The following OS9 variants were observed in gnomAD, a reference collection of about 807,000 sequenced individuals.
The protein encoded by OS9 is OS9 endoplasmic reticulum lectin, also known as protein OS-9.
OS9 carries 58 observed loss-of-function variants against 84.7 expected under a neutral mutation model. That is an observed-to-expected ratio of 0.68 (90% CI 0.55 to 0.85). The LOEUF is 0.85. Ranked by LOEUF, OS9 falls within the 40% of genes least tolerant of loss-of-function variation. The pLI, the probability that OS9 is intolerant of heterozygous loss-of-function variation, is 0.00. For missense variants in OS9, 760 were observed against 850.9 expected, an observed-to-expected ratio of 0.89 and a Z score of 1.33; for synonymous variants, 278 against 320.8, an observed-to-expected ratio of 0.87 and a Z score of 1.43.
intron 1 of OS9, 40 bp from the exon 2 acceptor site, chr12:57,694,706 CCTTT>C: frequency 6.3e-7 from 1 of 1,595,218 alleles, no homozygotes; most frequent in Non-Finnish European, 8.6e-7. Context: ...CTGATCCCAG[CCTTT>C]CTTTGCTTCC....
chr12:57,697,890 CGGAACCTA>C (rs374283409), intron 5 of OS9, among the ~76,000 whole-genome samples: 31,080 of 126,838 alleles, frequency 0.25, 4,664 homozygotes, highest in Middle Eastern at 0.34. Flanking sequence ...CACACACACA[CGGAACCTA>C]ACATAAGCAA....
At chr12:57,696,081 C>T (rs902963318) in intron 4 of OS9, 43 bp downstream of exon 4, 25 of 1,446,142 alleles carry the variant, frequency 1.7e-5, no homozygotes, top group Admixed American at 3.3e-5. Context: ...TTCTGGCCAC[C>T]GGCTGAGAGC....
intron 5 of OS9, among the ~76,000 whole-genome samples, chr12:57,708,408 G>A (rs897638282): frequency 6.6e-6 from 1 of 152,108 alleles, no homozygotes; most frequent in African/African-American, 2.4e-5. Flanking sequence ...GAGGCAGGAG[G>A]ATCGCTTGAG....
At position 57,720,334 on chromosome 12, in the gene OS9, C is replaced by T. The variant is rs1403304976; in HGVS notation, c.1765+71C>T. The T allele has an allele frequency of 3.1e-6, 5 of 1,604,210 alleles. No homozygotes were observed. The South Asian group carries it at 5.5e-5, about 18-fold the overall frequency. The stretch of plus-strand genomic sequence containing the variant: ...GCTGCCGGAAGTGGAGGGGCTGGGA[C>T]CAGTGGGGCAGGGGGCCTGCCCTGA... On this transcript the variant is annotated intron_variant, in intron 13 of 14. Transcript: ENST00000315970.
At chr12:57,710,710 C>T (rs897741696) in intron 5 of OS9, among the ~76,000 whole-genome samples, 5 of 152,038 alleles carry the variant, frequency 3.3e-5, no homozygotes, top group African/African-American at 1.2e-4. Context: ...TCCCATGATA[C>T]AAAACCCAGA....
intron 9 of OS9, 52 bp downstream of exon 9, chr12:57,716,796 G>C (rs750694416): frequency 1.3e-6 from 2 of 1,532,074 alleles, no homozygotes; most frequent in African/African-American, 2.7e-5. Flanking sequence ...GGATTGGCAG[G>C]GGTAGGGATG....
intron 5 of OS9, among the ~76,000 whole-genome samples, chr12:57,697,925 ACACAC>A (rs1565767146): frequency 1.7e-4 from 8 of 47,256 alleles, no homozygotes; most frequent in African/African-American, 6.1e-4. Flanking sequence ...ACACACACAT[ACACAC>A]ACACACACAC....
chr12:57,707,707 G>A (rs1051113891), intron 5 of OS9, among the ~76,000 whole-genome samples: 2 of 152,084 alleles, frequency 1.3e-5, no homozygotes, highest in Admixed American at 6.6e-5. Flanking sequence ...CCACATGTTC[G>A]TTATTTTATC....
At chr12:57,703,920 A>T (rs570101552) in intron 5 of OS9, among the ~76,000 whole-genome samples, 72 of 152,322 alleles carry the variant, frequency 4.7e-4, no homozygotes, top group African/African-American at 1.7e-3. Flanking sequence ...ATGTTTCACC[A>T]TTGAGTATGA....
intron 5 of OS9, among the ~76,000 whole-genome samples, chr12:57,698,795 A>T (rs1224994348): frequency 2.0e-5 from 3 of 152,154 alleles, no homozygotes; most frequent in African/African-American, 7.2e-5. Flanking sequence ...GTAGGAGATG[A>T]GTCTGGGTGG....
intron 5 of OS9, among the ~76,000 whole-genome samples, chr12:57,709,627 A>C (rs1023549439): frequency 1.3e-5 from 2 of 152,150 alleles, no homozygotes; most frequent in African/African-American, 4.8e-5. Flanking sequence ...GATTTTCTAC[A>C]ATTTTATGTT....
rs747053827 is a variant in OS9 at position 57,720,771 on chromosome 12, C to T, written c.1879-13C>T. The T allele has an allele frequency of 9.4e-6, 15 of 1,595,296 alleles. No individual in the cohort carries two copies. Among genetic ancestry groups the T allele is most frequent in the Non-Finnish European group, 1.3e-5 (15 of 1,170,616 alleles). On this transcript the variant is annotated splice_polypyrimidine_tract_variant and intron_variant, in intron 14 of 14. Coordinates refer to ENST00000315970, the MANE Select transcript of OS9 (RefSeq NM_006812.4). ...GCCAGTAGCTCCAGCCCACCTCTAC[C>T]CTCTCCCACCAGGTGCCGGGAGCTG... is the stretch of plus-strand genomic sequence containing the variant.
At chr12:57,719,916 G>A in intron 12 of OS9, 183 bp from the exon 13 acceptor site, 2 of 565,988 alleles carry the variant, frequency 3.5e-6, no homozygotes, top group Non-Finnish European at 6.2e-6. Context: ...ATTGGTGGAG[G>A]GAGCTCTACA....
rs530777990 is a variant in OS9, at chr12:57,720,112, G to C, written c.1614G>C (p.Glu538Asp). 29 of 1,613,802 alleles carry C rather than the reference G, an allele frequency of 1.8e-5. No individual in the cohort carries two copies. The South Asian group carries it at 3.0e-4, about 16-fold the overall frequency. The change falls in exon 13 of 15, where the codon GAG (glutamate) becomes GAC (aspartate). Residue 538 changes from glutamate (E) to aspartate (D), a missense_variant. Physicochemically the swap from Glu to Asp is conservative, Grantham distance 45. Transcript: ENST00000315970. The part of the protein sequence containing the change: ...PSPQPTEEDP[E>D]HRVRVRVTKL... ...TCCCCCTCTAAGAGGAGGATCCTGA[G>C]CACAGAGTCCGGGTCCGGGTCACCA...
intron 5 of OS9, among the ~76,000 whole-genome samples, chr12:57,713,275 C>T (rs111314722): frequency 0.028 from 4,216 of 152,226 alleles, 154 homozygotes; most frequent in African/African-American, 0.083. Flanking sequence ...GTTTTGGAGC[C>T]CTGTATTCTT....
chr12:57,696,207 A>T, intron 4 of OS9, 68 bp from the exon 5 acceptor site: 1 of 1,350,680 alleles, frequency 7.4e-7, no homozygotes, highest in Non-Finnish European at 1.1e-6. Context: ...CTCTTTGGGG[A>T]CGCAGTGCCA....
Position 57,721,407 on chromosome 12 carries a change from G to T in OS9, c.*498G>T. 1 of 155,328 alleles carries T rather than the reference G, an allele frequency of 6.4e-6. No homozygotes were observed. Among genetic ancestry groups the T allele is most frequent in the East Asian group, 2.1e-4 (1 of 4,716 alleles). 9.6% of individuals were successfully genotyped at this position (155,328 alleles called of 1,614,324 possible). A position where few individuals can be genotyped will look rare whatever the true frequency, so the allele number is the denominator to read the frequency against. The stretch of plus-strand genomic sequence containing the variant: ...CTGCCCACCCTGTCCCCTACAATTT[G>T]TGCTTCTGAGTTGAGGAGCCTTCAC... On this transcript the variant is annotated 3_prime_UTR_variant, in exon 15 of 15. Transcript: ENST00000315970.
intron 5 of OS9, 105 bp from the exon 6 acceptor site, chr12:57,715,655 A>T: frequency 1.3e-6 from 1 of 782,252 alleles, no homozygotes; most frequent in Non-Finnish European, 2.1e-6. Flanking sequence ...CAGTGTATGC[A>T]CAATGCTTGA....
At position 57,715,944 on chromosome 12, in the gene OS9, ACATGGCCTACGTT is replaced by A; in HGVS notation, c.767_779del (p.Met256ArgfsTer14). On this transcript the variant is annotated frameshift_variant, in exon 6 of 15. Coordinates refer to ENST00000315970, the MANE Select transcript of OS9 (RefSeq NM_006812.4). LOFTEE classifies it high-confidence loss of function. ...CACCCTTCCCTACAGCCTGAGGAGTACATGGCCTACGTTCAGAGGCAAGCCGGTGAGTAATTAG... is the reference window on the plus strand; with the variant it reads ...CACCCTTCCCTACAGCCTGAGGAGTACAGAGGCAAGCCGGTGAGTAATTAG... The A allele has an allele frequency of 6.2e-7, 1 of 1,612,940 alleles. No individual in the cohort carries two copies. The highest frequency in any genetic ancestry group is 8.5e-7 in the Non-Finnish European group (1 of 1,179,384).
Sources: allele counts gnomAD v4.1 joint callset (sites outside exome capture counted in the v4.1 genomes callset), GRCh38; gene constraint gnomAD v4.1.1; transcripts MANE v1.5; gene names NCBI Gene and HGNC (gene_info 2026-07-23, HGNC 2026-07-21).